The following KDM4C variants were observed in gnomAD, a reference collection of about 807,000 sequenced individuals.
The protein encoded by KDM4C is lysine-specific demethylase 4C.
A neutral mutation model predicts 129.3 loss-of-function variants in KDM4C; 81 were observed. The observed-to-expected ratio is 0.63, with a 90% CI of 0.52 to 0.75. The LOEUF (loss-of-function observed/expected upper bound fraction) is 0.75, where lower values mean the gene tolerates loss of function less well. Ranked by LOEUF, KDM4C falls within the 30% of genes least tolerant of loss-of-function variation. The probability of loss-of-function intolerance (pLI) is 0.00; values close to 1 mark genes in which losing one functional copy is unlikely to be tolerated. For synonymous variants in KDM4C, 573 were observed against 456.1 expected (o/e 1.26, Z -3.26); for missense variants, 1,457 against 1,304.0 (o/e 1.12, Z -1.81).
chr9:6,798,928 C>CG (rs1298621406), intron 2 of KDM4C, among the ~76,000 whole-genome samples: 6 of 146,260 alleles, frequency 4.1e-5, no homozygotes, highest in Non-Finnish European at 6.0e-5. Context: ...CAGACGGGGT[C>CG]GCGGTCGGGT....
intron 5 of KDM4C, among the ~76,000 whole-genome samples, chr9:6,870,372 G>A (rs115523084): frequency 6.6e-6 from 1 of 152,222 alleles, no homozygotes; most frequent in Non-Finnish European, 1.5e-5. Context: ...GGTTTGGAGA[G>A]TAGATCTTGT....
intron 5 of KDM4C, among the ~76,000 whole-genome samples, chr9:6,850,045 T>C (rs963087519): frequency 6.6e-6 from 1 of 152,244 alleles, no homozygotes; most frequent in Admixed American, 6.5e-5. Context: ...AAATACTTTG[T>C]GTTAAAATTG....
chr9:6,834,920 G>A (rs774096079), intron 4 of KDM4C: 14 of 1,170,596 alleles, frequency 1.2e-5, no homozygotes, highest in South Asian at 2.4e-5. Flanking sequence ...GATGGACTCC[G>A]GTGACGGGGT....
At chr9:6,954,304 T>G (rs1280425532) in intron 8 of KDM4C, among the ~76,000 whole-genome samples, 3 of 152,218 alleles carry the variant, frequency 2.0e-5, no homozygotes, top group African/African-American at 7.2e-5. Flanking sequence ...CGTCAATGTC[T>G]TCATAGTATG....
intron 18 of KDM4C, among the ~76,000 whole-genome samples, chr9:7,112,656 A>G (rs1370447417): frequency 6.6e-6 from 1 of 152,212 alleles, no homozygotes; most frequent in Admixed American, 6.5e-5. Flanking sequence ...CAGGGCTGAT[A>G]CATCATATGT....
At chr9:6,859,544 AT>A (rs149258373) in intron 5 of KDM4C, among the ~76,000 whole-genome samples, 136 of 125,042 alleles carry the variant, frequency 1.1e-3, no homozygotes, top group Non-Finnish European at 1.4e-3. Context: ...AAGTAGGTGG[AT>A]TTTTTTTTTT....
At chr9:6,883,439 C>T (rs565919106) in intron 6 of KDM4C, among the ~76,000 whole-genome samples, 1 of 152,278 alleles carries the variant, frequency 6.6e-6, no homozygotes, top group East Asian at 1.9e-4. Context: ...TTTCGTCTAT[C>T]AGCTGGATTT....
chr9:6,975,616 C>T (rs1832788445), intron 8 of KDM4C, among the ~76,000 whole-genome samples: 1 of 152,232 alleles, frequency 6.6e-6, no homozygotes, highest in South Asian at 2.1e-4. Flanking sequence ...CTCTTATTCT[C>T]TAGGCACCTA....
chr9:7,145,593 C>G (rs1395448669), intron 19 of KDM4C, among the ~76,000 whole-genome samples: 1 of 152,226 alleles, frequency 6.6e-6, no homozygotes, highest in East Asian at 1.9e-4. Flanking sequence ...TTCTGGAACG[C>G]TGCAAATGAC....
chr9:6,804,453 A>T (rs571378643), intron 2 of KDM4C, among the ~76,000 whole-genome samples: 1 of 152,320 alleles, frequency 6.6e-6, no homozygotes, highest in South Asian at 2.1e-4. Context: ...ATATTGTGTG[A>T]GAAGTCTATA....
chr9:6,773,386 G>C (rs1433835629), intron 1 of KDM4C, among the ~76,000 whole-genome samples: 2 of 152,150 alleles, frequency 1.3e-5, no homozygotes, highest in Non-Finnish European at 2.9e-5. Flanking sequence ...TGTCATTGTT[G>C]ATGTTATAGT....
At chr9:6,753,634 C>G (rs924770237), upstream of KDM4C, among the ~76,000 whole-genome samples, 5 of 151,942 alleles carry the variant, frequency 3.3e-5, no homozygotes, top group Admixed American at 6.6e-5. Flanking sequence ...GCTAGAAAGT[C>G]CAGGACTGAG....
intron 17 of KDM4C, among the ~76,000 whole-genome samples, chr9:7,049,898 C>G (rs1024363006): frequency 1.3e-5 from 2 of 152,126 alleles, no homozygotes; most frequent in African/African-American, 4.8e-5. Context: ...CAAAGTTCAA[C>G]TGCATGACCT....
intron 17 of KDM4C, among the ~76,000 whole-genome samples, chr9:7,070,458 T>C (rs1833039942): frequency 6.6e-6 from 1 of 152,168 alleles, no homozygotes; most frequent in African/African-American, 2.4e-5. Context: ...TCATCATGAA[T>C]ATACATTTCA....
intron 8 of KDM4C, among the ~76,000 whole-genome samples, chr9:6,904,835 T>TTA (rs1818020456): frequency 6.6e-6 from 1 of 151,916 alleles, no homozygotes; most frequent in Admixed American, 6.6e-5. Flanking sequence ...AAAAAGTAAC[T>TTA]AAACGGCGTT....
chr9:7,015,194 T>C (rs1823439916), intron 14 of KDM4C, among the ~76,000 whole-genome samples: 1 of 152,176 alleles, frequency 6.6e-6, no homozygotes, highest in Non-Finnish European at 1.5e-5. Context: ...ACTCATTAAA[T>C]CTTAACCCTC....
At chr9:7,076,402 T>C (rs1833919378) in intron 17 of KDM4C, 1 of 1,457,200 alleles carries the variant, frequency 6.9e-7, no homozygotes, top group Non-Finnish European at 9.4e-7. Context: ...TCTGGCATAT[T>C]GGACTTTTAA....
rs923806050 is a variant in KDM4C, at chr9:6,890,535, C to T, written c.783+2472C>T. Reference sequence around the variant, plus strand: ...ATTTAGATTATATCCACTCTCTTCTCTAGCTTCTTTTATGGTATGAGATTG... The same window carrying T: ...ATTTAGATTATATCCACTCTCTTCTTTAGCTTCTTTTATGGTATGAGATTG... On this transcript the variant is annotated intron_variant, in intron 7 of 21. Transcript: ENST00000381309. Among the ~76,000 whole-genome samples, 8 of 152,070 alleles carry T rather than the reference C, an allele frequency of 5.3e-5. No individual in the cohort carries two copies. The East Asian group carries it at 1.5e-3, about 29-fold the overall frequency.
At chr9:6,729,512 A>C (rs1817253832) in intron 1 of KDM4C, among the ~76,000 whole-genome samples, 1 of 133,418 alleles carries the variant, frequency 7.5e-6, no homozygotes, top group Non-Finnish European at 1.5e-5. Flanking sequence ...ACGCCACTGC[A>C]CTCCAGCTTG....
Sources: allele counts gnomAD v4.1 joint callset (sites outside exome capture counted in the v4.1 genomes callset), GRCh38; gene constraint gnomAD v4.1.1; transcripts MANE v1.5; gene names NCBI Gene and HGNC (gene_info 2026-07-23, HGNC 2026-07-21).